The following WHRN variants were observed in gnomAD, a reference collection of about 807,000 sequenced individuals.
WHRN encodes the protein whirlin, also known as CASK-interacting protein CIP98.
A neutral mutation model predicts 68.3 loss-of-function variants in WHRN; 41 were observed. That is an observed-to-expected ratio of 0.60 (90% CI 0.47 to 0.78). The LOEUF (loss-of-function observed/expected upper bound fraction) is 0.78. WHRN is among the 30% of genes least tolerant of loss of function. The probability of loss-of-function intolerance (pLI) is 0.00; values close to 1 mark genes in which losing one functional copy is unlikely to be tolerated. For missense variants in WHRN, 1,243 were observed against 1,244.7 expected, an observed-to-expected ratio of 1.00 and a Z score of 0.02; for synonymous variants, 560 against 561.3, an observed-to-expected ratio of 1.00 and a Z score of 0.03.
chr9:114,473,049 C>G (rs78540427), intron 2 of WHRN, among the ~76,000 whole-genome samples: 2,320 of 152,312 alleles, frequency 0.015, 56 homozygotes, highest in African/African-American at 0.05. Flanking sequence ...AGCCGAAGGG[C>G]AGGTCCCATC....
At position 114,493,356 on chromosome 9, in the gene WHRN, T is replaced by TAAA. The variant is rs36083160; in HGVS notation, c.618+10825_618+10827dup. On this transcript the variant is annotated intron_variant, in intron 1 of 11. Transcript: ENST00000362057. Reference sequence around the variant, plus strand: ...ACAGAATAAGACCCTATCTTTTTTTTAAAAAAAAAAAAAAAGTGGGGGTGG... The same window carrying TAAA: ...ACAGAATAAGACCCTATCTTTTTTTTAAAAAAAAAAAAAAAAAAGTGGGGGTGG... Among the ~76,000 whole-genome samples, 659 of 84,294 alleles carry TAAA rather than the reference T, an allele frequency of 7.8e-3. 3 individuals carry two copies. The highest frequency in any genetic ancestry group is 0.029 in the African/African-American group (629 of 21,452). 55.3% of individuals were successfully genotyped at this position (84,294 alleles called of 152,430 possible).
At chr9:114,498,543 A>G (rs1843653856) in intron 1 of WHRN, among the ~76,000 whole-genome samples, 3 of 152,122 alleles carry the variant, frequency 2.0e-5, no homozygotes, top group Admixed American at 2.0e-4. Flanking sequence ...GTATGGATGC[A>G]TGTCTCTACT....
At chr9:114,455,544 G>A (rs1440991414) in intron 3 of WHRN, among the ~76,000 whole-genome samples, 1 of 151,484 alleles carries the variant, frequency 6.6e-6, no homozygotes, top group African/African-American at 2.4e-5. Flanking sequence ...AACTCTTTCT[G>A]TACAAAAAAT....
intron 1 of WHRN, among the ~76,000 whole-genome samples, chr9:114,494,266 A>G (rs1392952465): frequency 6.6e-6 from 1 of 152,272 alleles, no homozygotes; most frequent in Non-Finnish European, 1.5e-5. Context: ...CAGGAAGAGC[A>G]GCATCTGGTA....
chr9:114,414,114 C>T (rs141649041), intron 7 of WHRN, among the ~76,000 whole-genome samples: 3 of 152,326 alleles, frequency 2.0e-5, no homozygotes, highest in African/African-American at 4.8e-5. Context: ...TGAAAGGCCA[C>T]GTTTCCTTTC....
intron 3 of WHRN, among the ~76,000 whole-genome samples, chr9:114,433,526 A>G (rs1268988875): frequency 6.6e-6 from 1 of 152,240 alleles, no homozygotes; most frequent in African/African-American, 2.4e-5. Flanking sequence ...AAATTCTATT[A>G]AAGAGTTTTA....
In WHRN at chr9:114,504,196, C is replaced by A. The variant is rs551412674; in HGVS notation, c.606G>T (p.Ala202=). ...ACCACAGCCTTACCTTGACGGCCTC[C>A]GCGTGGGTCACCCGGGCCAGGGATT... ...NDKSLARVTH[A]EAVKALKGSK... Residue 202 remains alanine, a synonymous_variant, in exon 1 of 12, where the codon GCG becomes GCT. Coordinates refer to ENST00000362057, the MANE Select transcript of WHRN (RefSeq NM_015404.4). The A allele has an allele frequency of 1.6e-5, 26 of 1,614,164 alleles. No homozygotes were observed. In the South Asian group the frequency reaches 2.7e-4, roughly 17 times the overall value.
rs556542647 is a variant in WHRN, at chr9:114,466,405, G to A, written c.838-13C>T. ...GCACCAGGTTCACCTGTCAGAGGGA[G>A]AGGATAACATTAGAGGGACTGGAGG... On this transcript the variant is annotated splice_polypyrimidine_tract_variant and intron_variant, in intron 2 of 11. Coordinates refer to ENST00000362057, the MANE Select transcript of WHRN (RefSeq NM_015404.4). 151 of 1,613,878 alleles carry A rather than the reference G, an allele frequency of 9.4e-5. 1 individual carries two copies. The South Asian group carries it at 1.6e-3, about 18-fold the overall frequency.
chr9:114,453,455 T>C (rs961985235), intron 3 of WHRN, among the ~76,000 whole-genome samples: 17 of 152,180 alleles, frequency 1.1e-4, no homozygotes, highest in Admixed American at 3.3e-4. Context: ...TCAGTTACTA[T>C]ATAATATTTG....
intron 1 of WHRN, among the ~76,000 whole-genome samples, chr9:114,490,078 C>G (rs565243931): frequency 7.9e-5 from 12 of 152,324 alleles, no homozygotes; most frequent in African/African-American, 2.6e-4. Context: ...AGCCAGGACC[C>G]GCGACACAGC....
In WHRN at chr9:114,478,643, G is replaced by C; in HGVS notation, c.747C>G (p.Gly249=). 1.2e-6 allele frequency: 2 copies of C among 1,613,664 alleles called. No homozygotes were observed. The highest frequency in any genetic ancestry group is 2.2e-5 in the East Asian group (1 of 44,862). The stretch of plus-strand genomic sequence containing the variant: ...GGGCACCACCGTGGGGCTGGGGCAG[G>C]CCCGAGGGTGGGGAGATGCTGCGGC... ...PQGRSISPPS[G]LPQPHGGALR... The change falls in exon 2 of 12, where the codon GGC becomes GGG. Residue 249 remains glycine (G), a synonymous_variant. Coordinates refer to ENST00000362057, the MANE Select transcript of WHRN (RefSeq NM_015404.4).
In WHRN at chr9:114,430,556, G is replaced by A. The variant is rs192383421; in HGVS notation, c.964-4143C>T. On this transcript the variant is annotated intron_variant, in intron 3 of 11. Coordinates refer to ENST00000362057, the MANE Select transcript of WHRN (RefSeq NM_015404.4). ...TCCCTCACCCTGAGCCTGGCACCTG[G>A]CACTTATGCAACCTGAGTCGCAGGA... Among the ~76,000 whole-genome samples the A allele has an allele frequency of 2.8e-4, 42 of 152,152 alleles. No homozygotes were observed. The Middle Eastern group carries it at 0.017, about 62-fold the overall frequency.
intron 7 of WHRN, among the ~76,000 whole-genome samples, chr9:114,418,817 T>C (rs1033209860): frequency 6.6e-6 from 1 of 152,176 alleles, no homozygotes; most frequent in East Asian, 1.9e-4. Flanking sequence ...CCTTGCCTGC[T>C]TTATTTTTCT....
At chr9:114,419,081 C>T (rs758550055) in intron 7 of WHRN, among the ~76,000 whole-genome samples, 1 of 152,130 alleles carries the variant, frequency 6.6e-6, no homozygotes, top group Admixed American at 6.6e-5. Context: ...TAACAGGGAG[C>T]TGGTGAGATC....
intron 2 of WHRN, among the ~76,000 whole-genome samples, chr9:114,467,340 A>G (rs1040329069): frequency 3.9e-5 from 6 of 151,990 alleles, no homozygotes; most frequent in Non-Finnish European, 5.9e-5. Context: ...CCCGCAGTCT[A>G]GTGGTACAGA....
intron 2 of WHRN, among the ~76,000 whole-genome samples, chr9:114,469,094 G>A (rs1200621200): frequency 6.6e-6 from 1 of 152,224 alleles, no homozygotes; most frequent in Non-Finnish European, 1.5e-5. Context: ...AGGGATGAAT[G>A]GGTCCATTTG....
intron 1 of WHRN, among the ~76,000 whole-genome samples, chr9:114,502,062 GA>G (rs1843980039): frequency 6.6e-6 from 1 of 152,166 alleles, no homozygotes; most frequent in Admixed American, 6.5e-5. Context: ...ACCCACCAAA[GA>G]AAAGTCTGTC....
chr9:114,500,880 T>G (rs1843863650), intron 1 of WHRN, among the ~76,000 whole-genome samples: 1 of 152,242 alleles, frequency 6.6e-6, no homozygotes, highest in Non-Finnish European at 1.5e-5. Flanking sequence ...CCTGATATAG[T>G]AGGATGCTAC....
At chr9:114,485,676 AGC>A (rs1842422505) in intron 1 of WHRN, among the ~76,000 whole-genome samples, 1 of 150,484 alleles carries the variant, frequency 6.6e-6, no homozygotes, top group African/African-American at 2.5e-5. Flanking sequence ...TGAGCTACAG[AGC>A]GAGACTCCGT....
Sources: gnomAD v4.1 joint callset for allele counts (sites outside exome capture counted in the v4.1 genomes callset) on GRCh38, gnomAD v4.1.1 for gene constraint, MANE v1.5 for transcripts, NCBI Gene and HGNC (gene_info 2026-07-23, HGNC 2026-07-21) for gene names.